ATP1A2: variants seen among roughly 807,000 people sequenced by gnomAD.
ATP1A2 encodes the protein ATPase Na+/K+ transporting subunit alpha 2.
A neutral mutation model predicts 113.1 loss-of-function variants in ATP1A2; 56 were observed. The ratio of observed to expected loss-of-function variants is 0.49; its 90% confidence interval spans 0.40 to 0.62. The LOEUF is 0.62. Ranked by LOEUF, ATP1A2 falls within the 20% of genes least tolerant of loss-of-function variation. The pLI, the probability that ATP1A2 is intolerant of heterozygous loss-of-function variation, is 0.00. For synonymous variants in ATP1A2, 490 were observed against 526.8 expected (o/e 0.93, Z 0.96); for missense variants, 712 against 1,357.8 (o/e 0.52, Z 7.47).
At chr1:160,128,258 C>T (rs760583495) in intron 8 of ATP1A2, 7 of 429,078 alleles carry the variant, frequency 1.6e-5, no homozygotes, top group Non-Finnish European at 2.2e-5. Context: ...TATCCTGGTT[C>T]GCCTCTCCTC....
At chr1:160,121,135 C>T (rs1651381904) in intron 2 of ATP1A2, 57 bp from the exon 3 acceptor site, 2 of 1,604,254 alleles carry the variant, frequency 1.2e-6, no homozygotes, top group South Asian at 1.1e-5. Flanking sequence ...CCCTGCAGTA[C>T]CCTCATATGC....
Position 160,141,676 on chromosome 1 carries a change from A to G in ATP1A2, c.*354A>G. 2 of 350,192 alleles carry G rather than the reference A, an allele frequency of 5.7e-6. No homozygotes were observed. Among genetic ancestry groups the G allele is most frequent in the Non-Finnish European group, 5.5e-6 (1 of 181,830 alleles). 21.7% of individuals were successfully genotyped at this position (350,192 alleles called of 1,614,324 possible). A position where few individuals can be genotyped will look rare whatever the true frequency, so the allele number is the denominator to read the frequency against. On this transcript the variant is annotated 3_prime_UTR_variant, in exon 23 of 23. Coordinates refer to ENST00000361216, the MANE Select transcript of ATP1A2 (RefSeq NM_000702.4). Reference sequence around the variant, plus strand: ...CTACTGTAATAGATCAGCATCCAAAAGCAGGAACCCATCTAAACCAGAAGG... The same window carrying G: ...CTACTGTAATAGATCAGCATCCAAAGGCAGGAACCCATCTAAACCAGAAGG...
chr1:160,141,386 G>A lies in ATP1A2; in HGVS notation c.*64G>A. 6.3e-7 allele frequency: 1 copy of A among 1,592,744 alleles called. No homozygotes were observed. Among genetic ancestry groups the A allele is most frequent in the Non-Finnish European group, 8.6e-7 (1 of 1,160,728 alleles). ...GCTCTGGAGGTGTTGTGGGGATGGT[G>A]ATGGAGAGGGATGGAAATAACGGGT... On this transcript the variant is annotated 3_prime_UTR_variant, in exon 23 of 23. Coordinates refer to ENST00000361216, the MANE Select transcript of ATP1A2 (RefSeq NM_000702.4).
intron 1 of ATP1A2, among the ~76,000 whole-genome samples, chr1:160,117,063 T>C (rs1651208598): frequency 6.6e-6 from 1 of 152,106 alleles, no homozygotes; most frequent in Non-Finnish European, 1.5e-5. Context: ...CAGGCAAATT[T>C]GTAAATGTAC....
In ATP1A2 at chr1:160,121,225, C is replaced by T. The variant is rs747283283; in HGVS notation, c.151C>T (p.Arg51Cys). The T allele has an allele frequency of 3.0e-5, 48 of 1,614,170 alleles. No homozygotes were observed. In the East Asian group the frequency reaches 6.0e-4, roughly 20 times the overall value. The change falls in exon 3 of 23, where the codon CGC (arginine) becomes TGC (cysteine). Residue 51 changes from arginine to cysteine, a missense_variant. Physicochemically the swap from Arg to Cys is radical, Grantham distance 180 (BLOSUM62 -3). Transcript: ENST00000361216. ...DHKLSLDELG[R>C]KYQVDLSKGL... ...CAAGCTGTCCTTGGATGAGCTGGGC[C>T]GCAAATACCAAGTGGACCTGTCCAA...
chr1:160,141,214 C>A, intron 22 of ATP1A2, 80 bp from the exon 23 acceptor site: 1 of 1,572,812 alleles, frequency 6.4e-7, no homozygotes, highest in Non-Finnish European at 8.7e-7. Context: ...CTGGCTTCAG[C>A]GACCCAAGCC....
At chr1:160,127,116 C>T (rs1651611204) in intron 7 of ATP1A2, among the ~76,000 whole-genome samples, 1 of 152,174 alleles carries the variant, frequency 6.6e-6, no homozygotes, top group Admixed American at 6.5e-5. Context: ...TAGCAATTGC[C>T]TGGCTTCCTC....
intron 1 of ATP1A2, 50 bp from the exon 2 acceptor site, chr1:160,120,856 G>C (rs763645396): frequency 1.1e-5 from 17 of 1,535,180 alleles, no homozygotes; most frequent in Non-Finnish European, 1.3e-5. Flanking sequence ...GGGAATGGAG[G>C]CCCCAGCCCC....
chr1:160,140,045 G>C (rs55884181), intron 22 of ATP1A2, 61 bp downstream of exon 22: 5 of 1,526,138 alleles, frequency 3.3e-6, no homozygotes, highest in Admixed American at 1.7e-5. Flanking sequence ...CCTCCCTCCA[G>C]GACCACACGC....
Position 160,134,234 on chromosome 1 carries a change from C to CA in ATP1A2, c.1828-250_1828-249insA, listed in dbSNP as rs1234546741. 4.0e-3 allele frequency among the ~76,000 whole-genome samples: 327 copies of CA among 82,598 alleles called. 1 individual carries two copies. The highest frequency in any genetic ancestry group is 7.3e-3 in the Admixed American group (67 of 9,144). The allele number at this position is 82,598 out of a possible 152,430, so 54.2% of individuals were successfully genotyped here. A position where few individuals can be genotyped will look rare whatever the true frequency, so the allele number is the denominator to read the frequency against. On this transcript the variant is annotated intron_variant, in intron 13 of 22. Coordinates refer to ENST00000361216, the MANE Select transcript of ATP1A2 (RefSeq NM_000702.4). ...CCCCCTCACACACACACAATCCCCA[C>CA]CCACACACACACACACACATCCTAC...
chr1:160,124,187 C>G (rs1651508845), intron 5 of ATP1A2, 109 bp from the exon 6 acceptor site: 12 of 1,554,184 alleles, frequency 7.7e-6, no homozygotes, highest in Non-Finnish European at 9.6e-6. Context: ...ATGCCAGCAC[C>G]TAATTGTTTA....
Position 160,121,163 on chromosome 1 carries a change from C to T in ATP1A2, c.118-29C>T. Reference sequence around the variant, plus strand: ...TCATATGCATCTTAGATACCTCCTCCCCAAAGTAACTCACCCTCCCTTCCC... The same window carrying T: ...TCATATGCATCTTAGATACCTCCTCTCCAAAGTAACTCACCCTCCCTTCCC... On this transcript the variant is annotated intron_variant, in intron 2 of 22. Transcript: ENST00000361216. The T allele has an allele frequency of 1.9e-6, 3 of 1,613,920 alleles. No individual in the cohort carries two copies. In the South Asian group the frequency reaches 3.3e-5, roughly 18 times the overall value.
intron 13 of ATP1A2, 99 bp downstream of exon 13, chr1:160,130,696 GC>G: frequency 6.5e-7 from 1 of 1,529,104 alleles, no homozygotes; most frequent in Non-Finnish European, 8.9e-7. Context: ...GGCCACGGTG[GC>G]CTCCTTCCCA....
chr1:160,125,466 C>T (rs1406491619), intron 7 of ATP1A2: 1 of 578,390 alleles, frequency 1.7e-6, no homozygotes, highest in Admixed American at 2.9e-5. Context: ...TCTCCCTTCC[C>T]CAGGGAGATC....
Position 160,115,879 on chromosome 1 carries a change from TATCCCTA to T in ATP1A2, c.12+8_12+14del. 1.9e-6 allele frequency: 3 copies of T among 1,601,250 alleles called. No individual in the cohort carries two copies. The highest frequency in any genetic ancestry group is 2.6e-6 in the Non-Finnish European group (3 of 1,174,468). Reference sequence around the variant, plus strand: ...GCCCCAAGATGGGCCGTGGGGTGAGTATCCCTAAAGAGCAGGGGTCGCAGTCTAGAGG... The same window carrying T: ...GCCCCAAGATGGGCCGTGGGGTGAGTAAGAGCAGGGGTCGCAGTCTAGAGG... On this transcript the variant is annotated splice_region_variant and intron_variant, in intron 1 of 22. Transcript: ENST00000361216.
rs1652178478 is a variant in ATP1A2 at position 160,142,329 on chromosome 1, G to A, written c.*1007G>A. 1 of 152,196 alleles carries A rather than the reference G, an allele frequency of 6.6e-6. No individual in the cohort carries two copies. The highest frequency in any genetic ancestry group is 1.5e-5 in the Non-Finnish European group (1 of 68,074). The allele number at this position is 152,196 out of a possible 1,614,324, so 9.4% of individuals were successfully genotyped here. A position where few individuals can be genotyped will look rare whatever the true frequency, so the allele number is the denominator to read the frequency against. ...CCTTTCTTTTCATGCCCATCCCGAT[G>A]AACCTGCATCATTCCCCGACACTGC... On this transcript the variant is annotated 3_prime_UTR_variant, in exon 23 of 23. Transcript: ENST00000361216.
Position 160,127,537 on chromosome 1 carries a change from CCCA to C in ATP1A2, c.749-11_749-9del. The C allele has an allele frequency of 1.2e-6, 2 of 1,614,084 alleles. No homozygotes were observed. Among genetic ancestry groups the C allele is most frequent in the Non-Finnish European group, 1.7e-6 (2 of 1,180,030 alleles). ...AGCCACAAGGCACCCAACCTGATGC[CCCA>C]CCATGTTGCAGGCACTGCCAGGGGC... On this transcript the variant is annotated splice_polypyrimidine_tract_variant and intron_variant, in intron 7 of 22. Transcript: ENST00000361216.
At chr1:160,121,277 G>A (rs1451702847) in intron 3 of ATP1A2, 26 bp downstream of exon 3, 1 of 1,613,500 alleles carries the variant, frequency 6.2e-7, no homozygotes, top group South Asian at 1.1e-5. Flanking sequence ...TCTAGGGAAG[G>A]AACAAAAGAG....
rs1651676100 is a variant in ATP1A2 at position 160,128,972 on chromosome 1, C to T, written c.1217-8C>T. On this transcript the variant is annotated splice_region_variant and splice_polypyrimidine_tract_variant and intron_variant, in intron 9 of 22. Coordinates refer to ENST00000361216, the MANE Select transcript of ATP1A2 (RefSeq NM_000702.4). ...CCACGCTCCTGGTTCCCCCTCATTTCCTCCCAGGGGCCACTTTTGACAAAC... is the reference window on the plus strand; with the variant it reads ...CCACGCTCCTGGTTCCCCCTCATTTTCTCCCAGGGGCCACTTTTGACAAAC... The T allele has an allele frequency of 6.3e-7, 1 of 1,599,728 alleles. No individual in the cohort carries two copies. The highest frequency in any genetic ancestry group is 8.5e-7 in the Non-Finnish European group (1 of 1,172,160).
Sources: allele counts gnomAD v4.1 joint callset (sites outside exome capture counted in the v4.1 genomes callset), GRCh38; gene constraint gnomAD v4.1.1; transcripts MANE v1.5; gene names NCBI Gene and HGNC (gene_info 2026-07-23, HGNC 2026-07-21).